Variants in ERBB4 observed in about 807,000 individuals in gnomAD.
The protein encoded by ERBB4 is receptor tyrosine-protein kinase erbB-4.
ERBB4 carries 42 observed loss-of-function variants against 158.0 expected under a neutral mutation model. That is an observed-to-expected ratio of 0.27 (90% CI 0.21 to 0.34). ERBB4 has a LOEUF of 0.34. Among genes scored for constraint, ERBB4 ranks in the 10% least tolerant of loss-of-function variants. The pLI is 1.00. For missense variants in ERBB4, 1,333 were observed against 1,624.1 expected (o/e 0.82, Z 3.08); for synonymous variants, 583 against 558.7 (o/e 1.04, Z -0.61).
intron 1 of ERBB4, among the ~76,000 whole-genome samples, chr2:212,193,582 T>A (rs878886646): frequency 2.0e-5 from 3 of 152,066 alleles, no homozygotes; most frequent in Non-Finnish European, 4.4e-5. Context: ...GGTTTTTTTT[T>A]AATGTGAAAT....
intron 3 of ERBB4, among the ~76,000 whole-genome samples, chr2:211,945,137 C>T (rs1477654029): frequency 3.3e-5 from 5 of 152,098 alleles, no homozygotes; most frequent in African/African-American, 4.8e-5. Context: ...TTGCTTTAAT[C>T]GGGTTACCTA....
chr2:211,489,438 G>A (rs1416184536), intron 20 of ERBB4, among the ~76,000 whole-genome samples: 3 of 151,828 alleles, frequency 2.0e-5, no homozygotes, highest in Non-Finnish European at 4.4e-5. Context: ...AAGTGTTGTC[G>A]AGAGAATCAT....
intron 1 of ERBB4, among the ~76,000 whole-genome samples, chr2:212,176,255 C>G (rs1013876385): frequency 6.6e-6 from 1 of 151,862 alleles, no homozygotes; most frequent in African/African-American, 2.4e-5. Flanking sequence ...ATGTCCTCCC[C>G]ACCCCAATTC....
chr2:211,723,669 G>A (rs2074174805), intron 6 of ERBB4, among the ~76,000 whole-genome samples: 1 of 151,894 alleles, frequency 6.6e-6, no homozygotes, highest in Admixed American at 6.6e-5. Context: ...AACCAATCTA[G>A]AAAACTCAGT....
At chr2:212,535,238 T>A (rs190820974) in intron 1 of ERBB4, among the ~76,000 whole-genome samples, 12 of 150,046 alleles carry the variant, frequency 8.0e-5, no homozygotes, top group East Asian at 5.8e-4. Context: ...AAGCCCCCTT[T>A]TATATATATA....
chr2:211,421,393 A>G (rs183124266), intron 24 of ERBB4, among the ~76,000 whole-genome samples: 10 of 151,910 alleles, frequency 6.6e-5, no homozygotes, highest in Non-Finnish European at 1.2e-4. Flanking sequence ...AGTTTAGGTG[A>G]AATTAATCCT....
chr2:212,353,021 T>C (rs1474355452), intron 1 of ERBB4, among the ~76,000 whole-genome samples: 3 of 152,006 alleles, frequency 2.0e-5, no homozygotes, highest in Non-Finnish European at 4.4e-5. Flanking sequence ...CTGTTAAAAA[T>C]CCTTTTACTG....
intron 15 of ERBB4, among the ~76,000 whole-genome samples, chr2:211,659,162 A>G (rs568543536): frequency 6.8e-6 from 1 of 146,240 alleles, no homozygotes; most frequent in Non-Finnish European, 1.5e-5. Flanking sequence ...TAATATACCT[A>G]TAATACCAAT....
chr2:211,421,937 C>T lies in ERBB4; in HGVS notation c.2964+70G>A. ...TGGTCCTTTCCACAGTTCCAAAGTCCTGATACTACTCATTTTGCAGTGAGT... is the reference window on the plus strand; with the variant it reads ...TGGTCCTTTCCACAGTTCCAAAGTCTTGATACTACTCATTTTGCAGTGAGT... On this transcript the variant is annotated intron_variant, in intron 24 of 27. Coordinates refer to ENST00000342788, the MANE Select transcript of ERBB4 (RefSeq NM_005235.3). The T allele has an allele frequency of 7.6e-6, 7 of 915,726 alleles. No individual in the cohort carries two copies. In the South Asian group the frequency reaches 9.1e-5, roughly 12 times the overall value. The allele number at this position is 915,726 out of a possible 1,614,324, so 56.7% of individuals were successfully genotyped here. A position where few individuals can be genotyped will look rare whatever the true frequency, so the allele number is the denominator to read the frequency against.
At chr2:212,445,766 G>A (rs1425243213) in intron 1 of ERBB4, among the ~76,000 whole-genome samples, 5 of 152,098 alleles carry the variant, frequency 3.3e-5, no homozygotes, top group African/African-American at 1.2e-4. Flanking sequence ...TCCACCAGGG[G>A]AAAAAACCCA....
chr2:212,445,394 G>T (rs1274659966), intron 1 of ERBB4, among the ~76,000 whole-genome samples: 1 of 152,106 alleles, frequency 6.6e-6, no homozygotes, highest in Non-Finnish European at 1.5e-5. Context: ...ACATTCTGCT[G>T]GCCTAGAGGT....
At chr2:211,975,402 T>C (rs2081577362) in intron 2 of ERBB4, among the ~76,000 whole-genome samples, 1 of 152,334 alleles carries the variant, frequency 6.6e-6, no homozygotes, top group South Asian at 2.1e-4. Context: ...AGTGTAGCTT[T>C]ACATTGTTAA....
intron 7 of ERBB4, among the ~76,000 whole-genome samples, chr2:211,717,658 G>C (rs1290217877): frequency 1.3e-5 from 2 of 149,964 alleles, no homozygotes; most frequent in Admixed American, 1.3e-4. Flanking sequence ...GTGAAACCCA[G>C]GCTCCACTAA....
intron 2 of ERBB4, among the ~76,000 whole-genome samples, chr2:212,066,545 A>C (rs896851714): frequency 6.6e-6 from 1 of 152,002 alleles, no homozygotes; most frequent in African/African-American, 2.4e-5. Flanking sequence ...TATGTTATTA[A>C]TATGTGTTTC....
At chr2:211,417,950 A>T (rs1481182903) in intron 25 of ERBB4, among the ~76,000 whole-genome samples, 1 of 152,190 alleles carries the variant, frequency 6.6e-6, no homozygotes, top group African/African-American at 2.4e-5. Context: ...TTTTAAAGTT[A>T]ATTGCCTAAC....
intron 20 of ERBB4, among the ~76,000 whole-genome samples, chr2:211,479,206 G>T (rs923395165): frequency 2.0e-5 from 3 of 152,074 alleles, no homozygotes; most frequent in African/African-American, 7.2e-5. Context: ...TTCCCAGGGG[G>T]TGCTGACACT....
chr2:211,656,617 C>A (rs1442321496), intron 16 of ERBB4, among the ~76,000 whole-genome samples: 3 of 152,200 alleles, frequency 2.0e-5, no homozygotes, highest in African/African-American at 7.2e-5. Flanking sequence ...CAAATTATCT[C>A]CTTCCCTTTT....
intron 1 of ERBB4, among the ~76,000 whole-genome samples, chr2:212,372,538 A>C (rs911781005): frequency 3.3e-5 from 5 of 151,968 alleles, no homozygotes; most frequent in African/African-American, 1.2e-4. Context: ...TCACAAATTC[A>C]AGAGATCAAG....
intron 16 of ERBB4, among the ~76,000 whole-genome samples, chr2:211,646,184 T>C (rs1367852744): frequency 6.6e-6 from 1 of 151,626 alleles, no homozygotes; most frequent in Admixed American, 6.6e-5. Flanking sequence ...TGTATTAGTA[T>C]GTAGAGAAAT....
Sources: gnomAD v4.1 joint callset for allele counts (sites outside exome capture counted in the v4.1 genomes callset) on GRCh38, gnomAD v4.1.1 for gene constraint, MANE v1.5 for transcripts, NCBI Gene and HGNC (gene_info 2026-07-23, HGNC 2026-07-21) for gene names.